NUS1: variants seen among roughly 807,000 people sequenced by gnomAD.
NUS1 encodes the protein dehydrodolichyl diphosphate synthase complex subunit NUS1.
For synonymous variants in NUS1, 135 were observed against 155.2 expected, an observed-to-expected ratio of 0.87 and a Z score of 0.97; for missense variants, 292 against 382.9, an observed-to-expected ratio of 0.76 and a Z score of 1.98.
At chr6:117,698,289 A>G (rs1017844101) in intron 3 of NUS1, among the ~76,000 whole-genome samples, 5 of 152,176 alleles carry the variant, frequency 3.3e-5, no homozygotes, top group African/African-American at 1.2e-4. Context: ...TAGACCAAGG[A>G]AAAAAACCAG....
At chr6:117,688,920 T>A (rs1200018989) in intron 1 of NUS1, among the ~76,000 whole-genome samples, 1 of 152,192 alleles carries the variant, frequency 6.6e-6, no homozygotes, top group Non-Finnish European at 1.5e-5. Context: ...CCTCACTTAT[T>A]TTTGTCTGGG....
intron 1 of NUS1, among the ~76,000 whole-genome samples, chr6:117,691,107 C>T (rs1281213596): frequency 6.6e-6 from 1 of 151,714 alleles, no homozygotes; most frequent in Non-Finnish European, 1.5e-5. Context: ...GTGGTAAATC[C>T]TTTTTCCCCT....
In NUS1 at chr6:117,709,944, T is replaced by C. The variant is rs1773552485; in HGVS notation, c.*2929T>C. On this transcript the variant is annotated 3_prime_UTR_variant, in exon 5 of 5. Coordinates refer to ENST00000368494, the MANE Select transcript of NUS1 (RefSeq NM_138459.5). ...AGATGGTATGCTCTTGATTGAAATA[T>C]ATTCTCACTTTTACCAGGTTAAACA... 1 of 152,436 alleles carries C rather than the reference T, an allele frequency of 6.6e-6. No individual in the cohort carries two copies. The highest frequency in any genetic ancestry group is 1.5e-5 in the Non-Finnish European group (1 of 67,978). 9.4% of individuals were successfully genotyped at this position (152,436 alleles called of 1,614,324 possible).
At chr6:117,706,283 C>T (rs1166590848) in intron 4 of NUS1, among the ~76,000 whole-genome samples, 1 of 152,122 alleles carries the variant, frequency 6.6e-6, no homozygotes, top group Non-Finnish European at 1.5e-5. Flanking sequence ...CTAGGTTGCT[C>T]ACAACATGGC....
At chr6:117,695,924 T>A (rs946338253) in intron 3 of NUS1, among the ~76,000 whole-genome samples, 3 of 152,158 alleles carry the variant, frequency 2.0e-5, no homozygotes, top group African/African-American at 7.2e-5. Flanking sequence ...TTTCTAGATA[T>A]ACCACGTTTT....
At chr6:117,685,029 G>A (rs1294864276) in intron 1 of NUS1, among the ~76,000 whole-genome samples, 5 of 152,310 alleles carry the variant, frequency 3.3e-5, no homozygotes, top group African/African-American at 9.6e-5. Context: ...TAGTTATGGG[G>A]AAGGTTAGGG....
At chr6:117,704,254 TA>T (rs1035763228) in intron 4 of NUS1, among the ~76,000 whole-genome samples, 1 of 152,118 alleles carries the variant, frequency 6.6e-6, no homozygotes, top group African/African-American at 2.4e-5. Flanking sequence ...TTTAGCAGCT[TA>T]TGCACTAGAG....
chr6:117,691,260 T>C (rs1773212664), intron 1 of NUS1, among the ~76,000 whole-genome samples: 1 of 152,064 alleles, frequency 6.6e-6, no homozygotes, highest in South Asian at 2.1e-4. Flanking sequence ...ATCCATTTGA[T>C]AGGCAGAATG....
chr6:117,699,122 T>C (rs117266923), intron 3 of NUS1, among the ~76,000 whole-genome samples: 1 of 152,272 alleles, frequency 6.6e-6, no homozygotes, highest in Non-Finnish European at 1.5e-5. Flanking sequence ...ACCACTGTTA[T>C]TTAGCATAGC....
chr6:117,695,568 C>T lies in NUS1; in HGVS notation c.691+1388C>T, dbSNP rs142694007. Among the ~76,000 whole-genome samples, 220 of 152,290 alleles carry T rather than the reference C, an allele frequency of 1.4e-3. 1 individual carries two copies. The highest frequency in any genetic ancestry group is 4.9e-3 in the African/African-American group (202 of 41,558). On this transcript the variant is annotated intron_variant, in intron 3 of 4. Transcript: ENST00000368494. ...GACCTTCAGGTAGTCCATGGGAAAG[C>T]GCTAATGTTTATTAAGCCCAGTTGT... is the stretch of plus-strand genomic sequence containing the variant.
chr6:117,698,407 T>C (rs1773351908), intron 3 of NUS1, among the ~76,000 whole-genome samples: 1 of 152,032 alleles, frequency 6.6e-6, no homozygotes, highest in Non-Finnish European at 1.5e-5. Flanking sequence ...TGCCAATAAA[T>C]TGGAAAATCT....
intron 1 of NUS1, among the ~76,000 whole-genome samples, chr6:117,682,357 T>C (rs986445245): frequency 6.6e-6 from 1 of 152,130 alleles, no homozygotes; most frequent in Admixed American, 6.6e-5. Flanking sequence ...CCCAGCAGTT[T>C]AGGAGGCTGA....
chr6:117,690,614 A>C (rs1351172173), intron 1 of NUS1, among the ~76,000 whole-genome samples: 1 of 151,920 alleles, frequency 6.6e-6, no homozygotes, highest in African/African-American at 2.4e-5. Flanking sequence ...AGTAATCCTC[A>C]CCTAAATTTT....
At chr6:117,685,847 T>C (rs1342882917) in intron 1 of NUS1, among the ~76,000 whole-genome samples, 1 of 152,026 alleles carries the variant, frequency 6.6e-6, no homozygotes, top group Admixed American at 6.6e-5. Context: ...TAAAAGCCTT[T>C]TTAAAAAGAG....
At chr6:117,688,071 A>T (rs1773165415) in intron 1 of NUS1, among the ~76,000 whole-genome samples, 1 of 152,150 alleles carries the variant, frequency 6.6e-6, no homozygotes. Flanking sequence ...AAAAATAAAA[A>T]AATTAGCTGG....
chr6:117,691,552 G>GATATAGAT (rs1193289151), intron 1 of NUS1, among the ~76,000 whole-genome samples: 1 of 37,556 alleles, frequency 2.7e-5, no homozygotes, highest in African/African-American at 6.7e-5. Context: ...CTGTGCCATA[G>GATATAGAT]ATATAGATAT....
chr6:117,701,492 C>A (rs1289082733), intron 3 of NUS1, among the ~76,000 whole-genome samples: 1 of 152,132 alleles, frequency 6.6e-6, no homozygotes, highest in Admixed American at 6.5e-5. Flanking sequence ...GATCCACCTG[C>A]CTCGGCCTCC....
In NUS1 at chr6:117,707,226, T is replaced by G. The variant is rs1773514140; in HGVS notation, c.*211T>G. On this transcript the variant is annotated 3_prime_UTR_variant, in exon 5 of 5. Transcript: ENST00000368494. ...ATGTGCACGTTTGTATGTATGGAAATAAACTTATAAATGGGGACGTATTGG... is the reference window on the plus strand; with the variant it reads ...ATGTGCACGTTTGTATGTATGGAAAGAAACTTATAAATGGGGACGTATTGG... The G allele has an allele frequency of 4.2e-6, 2 of 470,646 alleles. No individual in the cohort carries two copies. 29.2% of individuals were successfully genotyped at this position (470,646 alleles called of 1,614,324 possible). A position where few individuals can be genotyped will look rare whatever the true frequency, so the allele number is the denominator to read the frequency against.
chr6:117,702,165 TA>T (rs968993109), intron 3 of NUS1, among the ~76,000 whole-genome samples: 1 of 152,220 alleles, frequency 6.6e-6, no homozygotes, highest in African/African-American at 2.4e-5. Flanking sequence ...CTTGCCATTG[TA>T]TTAACTGGGG....
Sources: allele counts gnomAD v4.1 joint callset (sites outside exome capture counted in the v4.1 genomes callset), GRCh38; gene constraint gnomAD v4.1.1; transcripts MANE v1.5; gene names NCBI Gene and HGNC (gene_info 2026-07-23, HGNC 2026-07-21).